Variants in SNRNP200 observed in about 807,000 individuals in gnomAD.
SNRNP200 encodes the protein small nuclear ribonucleoprotein U5 subunit 200.
In SNRNP200, 66 loss-of-function variants were observed where a neutral mutation model predicts 255.2. The observed-to-expected ratio is 0.26, with a 90% CI of 0.21 to 0.32. SNRNP200 has a LOEUF of 0.32. SNRNP200 is among the 10% of genes least tolerant of loss of function. The pLI, the probability that SNRNP200 is intolerant of heterozygous loss-of-function variation, is 1.00. For missense variants in SNRNP200, 1,585 were observed against 2,749.8 expected (o/e 0.58, Z 9.47); for synonymous variants, 939 against 1,027.8 (o/e 0.91, Z 1.65).
chr2:96,289,686 G>A, intron 21 of SNRNP200, 113 bp downstream of exon 21: 1 of 966,046 alleles, frequency 1.0e-6, no homozygotes, highest in Non-Finnish European at 1.7e-6. Flanking sequence ...GCTGTTCTAA[G>A]CAACAGGTGA....
rs545569388 is a variant in SNRNP200 at position 96,286,613 on chromosome 2, G to A, written c.3829+75C>T. 2.3e-5 allele frequency: 37 copies of A among 1,595,352 alleles called. No individual in the cohort carries two copies. The East Asian group carries it at 4.0e-4, about 17-fold the overall frequency. ...CTCTGTCCCCAGCAAGGGCAAGCCCGGGACAAAGTGCAAGACATTCTTCTA... is the reference window on the plus strand; with the variant it reads ...CTCTGTCCCCAGCAAGGGCAAGCCCAGGACAAAGTGCAAGACATTCTTCTA... On this transcript the variant is annotated intron_variant, in intron 28 of 44. Transcript: ENST00000323853. This position sits in a 1 kb window ranked among gnomAD's most constrained non-coding sequence, Gnocchi z 4.8.
chr2:96,292,820 T>G (rs919921707), intron 16 of SNRNP200, 152 bp downstream of exon 16: 25 of 843,790 alleles, frequency 3.0e-5, no homozygotes, highest in Non-Finnish European at 4.5e-5. Flanking sequence ...CCAGTGGCTA[T>G]AGGTTCTGTA....
intron 9 of SNRNP200, 58 bp from the exon 10 acceptor site, chr2:96,297,778 T>C: frequency 6.3e-7 from 1 of 1,586,514 alleles, no homozygotes; most frequent in Non-Finnish European, 8.7e-7. Context: ...TAGGTTCTTG[T>C]CCTTTTCTGC....
intron 30 of SNRNP200, 60 bp downstream of exon 30, chr2:96,285,120 T>C: frequency 6.3e-7 from 1 of 1,588,348 alleles, no homozygotes; most frequent in Non-Finnish European, 8.6e-7. Context: ...AAAGCCTTCA[T>C]ACGGAATCAC....
intron 13 of SNRNP200, 129 bp from the exon 14 acceptor site, chr2:96,295,787 C>T (rs2104355656): frequency 2.2e-6 from 2 of 916,232 alleles, no homozygotes; most frequent in East Asian, 5.3e-5. Flanking sequence ...CAAGGCGAAT[C>T]AGATCTTATG....
At chr2:96,302,342 A>G (rs2063958636) in intron 3 of SNRNP200, among the ~76,000 whole-genome samples, 1 of 152,228 alleles carries the variant, frequency 6.6e-6, no homozygotes. Flanking sequence ...ACAGCCCACA[A>G]GAGGATCCAG....
Position 96,297,728 on chromosome 2 carries a change from G to A in SNRNP200, c.1120-8C>T, listed in dbSNP as rs776433081. 118 of 1,613,902 alleles carry A rather than the reference G, an allele frequency of 7.3e-5. No homozygotes were observed. The highest frequency in any genetic ancestry group is 6.3e-4 in the Admixed American group (38 of 60,002). ...TCTCCGGGACCTTTCCTCCTGTAGT[G>A]GACAAAGATAAAAATCACAAAAACA... On this transcript the variant is annotated splice_polypyrimidine_tract_variant and splice_region_variant and intron_variant, in intron 9 of 44. Coordinates refer to ENST00000323853, the MANE Select transcript of SNRNP200 (RefSeq NM_014014.5).
At position 96,279,219 on chromosome 2, in the gene SNRNP200, A is replaced by G. The variant is rs1684719353; in HGVS notation, c.5134-221T>C. ...AGAGCAGTGAGCAGCCCAAGGAGGA[A>G]GGAGAGAACCAAGTAGAGGGTGAAG... On this transcript the variant is annotated intron_variant, in intron 36 of 44. Coordinates refer to ENST00000323853, the MANE Select transcript of SNRNP200 (RefSeq NM_014014.5). 6.2e-6 allele frequency: 4 copies of G among 644,606 alleles called. No individual in the cohort carries two copies. The Admixed American group carries it at 9.7e-5, about 16-fold the overall frequency. 39.9% of individuals were successfully genotyped at this position (644,606 alleles called of 1,614,324 possible).
chr2:96,288,902 T>A, intron 23 of SNRNP200, 135 bp downstream of exon 23: 2 of 1,046,762 alleles, frequency 1.9e-6, no homozygotes, highest in Non-Finnish European at 2.9e-6. Context: ...AAAAAGAACA[T>A]GCGAGAAGGC....
intron 35 of SNRNP200, among the ~76,000 whole-genome samples, chr2:96,279,958 T>C (rs369914538): frequency 1.3e-5 from 2 of 152,196 alleles, no homozygotes; most frequent in Admixed American, 6.5e-5. Context: ...CATACTGGAG[T>C]GCAGTGGCAC....
At chr2:96,284,034 G>C in intron 31 of SNRNP200, 30 bp from the exon 32 acceptor site, 1 of 1,545,048 alleles carries the variant, frequency 6.5e-7, no homozygotes, top group Non-Finnish European at 8.8e-7. Flanking sequence ...GAGGGTCACT[G>C]CAGGCCAAGG....
intron 21 of SNRNP200, 24 bp from the exon 22 acceptor site, chr2:96,289,403 C>T (rs1406312406): frequency 1.2e-6 from 2 of 1,613,060 alleles, no homozygotes; most frequent in East Asian, 2.2e-5. Context: ...AGACTCAATC[C>T]AGTGCTGACT....
rs751567562 is a variant in SNRNP200 at position 96,278,402 on chromosome 2, G to A, written c.5489-44C>T. The A allele has an allele frequency of 3.6e-5, 58 of 1,613,220 alleles. No individual in the cohort carries two copies. Among genetic ancestry groups the A allele is most frequent in the Non-Finnish European group, 3.8e-5 (45 of 1,179,640 alleles). ...GTGAGAGAAGCTAAAACCAGGCAGA[G>A]AAGGAGCAGAACTGCCCGGGCTCCC... On this transcript the variant is annotated intron_variant, in intron 38 of 44. Coordinates refer to ENST00000323853, the MANE Select transcript of SNRNP200 (RefSeq NM_014014.5). This position sits in a 1 kb window ranked among gnomAD's most constrained non-coding sequence, Gnocchi z 6.9.
chr2:96,275,445 CAGAT>C (rs1684639161), intron 43 of SNRNP200, 96 bp from the exon 44 acceptor site: 2 of 1,031,338 alleles, frequency 1.9e-6, no homozygotes, highest in African/African-American at 3.2e-5. Flanking sequence ...GAACAAAAAT[CAGAT>C]AGCTTTCCAA....
chr2:96,281,415 C>T (rs1183540302), intron 35 of SNRNP200: 2 of 278,218 alleles, frequency 7.2e-6, no homozygotes, highest in African/African-American at 2.2e-5. Context: ...GTGATCCGCC[C>T]GCCTCAGCCT....
At chr2:96,276,022 CTTAACACAGAGCTGAA>C (rs1474447803) in intron 43 of SNRNP200, among the ~76,000 whole-genome samples, 1 of 152,154 alleles carries the variant, frequency 6.6e-6, no homozygotes, top group Non-Finnish European at 1.5e-5. Context: ...AAAGAAAAAG[CTTAACACAGAGCTGAA>C]TGTGCACAGA....
At position 96,278,022 on chromosome 2, in the gene SNRNP200, C is replaced by T; in HGVS notation, c.5611-72G>A. 2.5e-6 allele frequency: 4 copies of T among 1,604,622 alleles called. No homozygotes were observed. Among genetic ancestry groups the T allele is most frequent in the Non-Finnish European group, 3.4e-6 (4 of 1,171,964 alleles). ...CTGAGACCAGCTCAGGCCAAAGCAC[C>T]ACGTGGCCCAGGCTCACACAGCCCT... On this transcript the variant is annotated intron_variant, in intron 39 of 44. Transcript: ENST00000323853. The surrounding 1 kb of genome is among the most constrained non-coding windows in gnomAD (Gnocchi z 6.9).
chr2:96,286,615 G>A lies in SNRNP200; in HGVS notation c.3829+73C>T. The A allele has an allele frequency of 3.8e-6, 6 of 1,597,416 alleles. No homozygotes were observed. Among genetic ancestry groups the A allele is most frequent in the Non-Finnish European group, 5.1e-6 (6 of 1,168,372 alleles). On this transcript the variant is annotated intron_variant, in intron 28 of 44. Coordinates refer to ENST00000323853, the MANE Select transcript of SNRNP200 (RefSeq NM_014014.5). This position sits in a 1 kb window ranked among gnomAD's most constrained non-coding sequence, Gnocchi z 4.8. ...CTGTCCCCAGCAAGGGCAAGCCCGG[G>A]ACAAAGTGCAAGACATTCTTCTACT...
chr2:96,275,931 G>A (rs1447236442), intron 43 of SNRNP200, among the ~76,000 whole-genome samples: 9 of 152,336 alleles, frequency 5.9e-5, no homozygotes, highest in South Asian at 4.1e-4. Context: ...GCGTGATTCC[G>A]GGAGGCGGAG....
Sources: allele counts gnomAD v4.1 joint callset (sites outside exome capture counted in the v4.1 genomes callset), GRCh38; gene constraint gnomAD v4.1.1; non-coding constraint Gnocchi (gnomAD v3.1); transcripts MANE v1.5; gene names NCBI Gene and HGNC (gene_info 2026-07-23, HGNC 2026-07-21).